Variants in FBXO33 observed in about 807,000 individuals in gnomAD.
The protein encoded by FBXO33 is F-box only protein 33.
In FBXO33, 22 loss-of-function variants were observed where a neutral mutation model predicts 46.3. That is an observed-to-expected ratio of 0.48 (90% CI 0.34 to 0.68). FBXO33 has a LOEUF of 0.68. Ranked by LOEUF, FBXO33 falls within the 30% of genes least tolerant of loss-of-function variation. FBXO33 has a pLI of 0.01. For missense variants in FBXO33, 692 were observed against 708.8 expected (o/e 0.98, Z 0.27); for synonymous variants, 337 against 291.3 (o/e 1.16, Z -1.60).
At chr14:39,406,411 C>A (rs1344677485) in intron 1 of FBXO33, among the ~76,000 whole-genome samples, 1 of 152,160 alleles carries the variant, frequency 6.6e-6, no homozygotes, top group Non-Finnish European at 1.5e-5. Flanking sequence ...AGGACAACGG[C>A]CTTCCCTCTG....
Position 39,399,775 on chromosome 14 carries a change from C to T in FBXO33, c.1409G>A (p.Trp470Ter). The change falls in exon 4 of 4, where the codon TGG becomes TAG. Residue 470 changes from tryptophan to a stop codon, truncating the protein, a stop_gained. Transcript: ENST00000298097. LOFTEE classifies it high-confidence loss of function. ...SLLAIHGYTV[W>*]AHNLIAIARL... ...AGCAATGGCAATGAGGTTGTGTGCC[C>T]ACACCGTGTAACCTGAAAAATAAAC... is the stretch of plus-strand genomic sequence containing the variant. 1 of 1,593,564 alleles carries T rather than the reference C, an allele frequency of 6.3e-7. No homozygotes were observed.
In FBXO33 at chr14:39,399,259, G is replaced by A; in HGVS notation, c.*257C>T. On this transcript the variant is annotated 3_prime_UTR_variant, in exon 4 of 4. Transcript: ENST00000298097. Reference sequence around the variant, plus strand: ...AAAATAAAGTTAGCCAGCAACCTCAGACAATCTTCGGCTGTATATCCTTAA... The same window carrying A: ...AAAATAAAGTTAGCCAGCAACCTCAAACAATCTTCGGCTGTATATCCTTAA... 1 of 281,738 alleles carries A rather than the reference G, an allele frequency of 3.5e-6. No individual in the cohort carries two copies. The allele number at this position is 281,738 out of a possible 1,614,324, so 17.5% of individuals were successfully genotyped here. A position where few individuals can be genotyped will look rare whatever the true frequency, so the allele number is the denominator to read the frequency against.
In FBXO33 at chr14:39,431,842, C is replaced by T. The variant is rs200348294; in HGVS notation, c.321G>A (p.Leu107=). The part of the protein sequence containing the change: ...HWRECLFYPA[L]WPQLRICLRV... ...GGAGGCAGATGCGGAGCTGGGGCCA[C>T]AGGGCCGGATAGAAGAGGCACTCAC... Residue 107 remains leucine, a synonymous_variant, in exon 1 of 4, where the codon CTG becomes CTA. Transcript: ENST00000298097. 9.4e-6 allele frequency: 15 copies of T among 1,602,890 alleles called. No individual in the cohort carries two copies. The East Asian group carries it at 3.4e-4, about 36-fold the overall frequency.
intron 1 of FBXO33, among the ~76,000 whole-genome samples, chr14:39,403,804 T>C (rs1480449969): frequency 9.8e-5 from 6 of 61,522 alleles, no homozygotes; most frequent in Non-Finnish European, 1.4e-4. Context: ...ATACCATTTC[T>C]TTTTTTTTTT....
chr14:39,431,730 C>G lies in FBXO33; in HGVS notation c.433G>C (p.Ala145Pro). 3.1e-6 allele frequency: 5 copies of G among 1,613,252 alleles called. No individual in the cohort carries two copies. Among genetic ancestry groups the G allele is most frequent in the Non-Finnish European group, 3.4e-6 (4 of 1,179,984 alleles). The change falls in exon 1 of 4, where the codon GCC (alanine) becomes CCC (proline). Residue 145 changes from alanine (A) to proline (P), a missense_variant. Physicochemically the swap from Ala to Pro is conservative, Grantham distance 27. Coordinates refer to ENST00000298097, the MANE Select transcript of FBXO33 (RefSeq NM_203301.4). ...FVRELRVEFA[A>P]ENYLSGGGPG... ...CCACCGCCGCTCAGATAGTTCTCGGCGGCGAATTCAACACGCAGCTCTCGC... is the reference window on the plus strand; with the variant it reads ...CCACCGCCGCTCAGATAGTTCTCGGGGGCGAATTCAACACGCAGCTCTCGC...
In FBXO33 at chr14:39,432,413, C is replaced by T; in HGVS notation, c.-251G>A. The T allele has an allele frequency of 4.3e-6, 1 of 234,978 alleles. No individual in the cohort carries two copies. Among genetic ancestry groups the T allele is most frequent in the Admixed American group, 5.7e-5 (1 of 17,574 alleles). 14.6% of individuals were successfully genotyped at this position (234,978 alleles called of 1,614,324 possible). A position where few individuals can be genotyped will look rare whatever the true frequency, so the allele number is the denominator to read the frequency against. On this transcript the variant is annotated 5_prime_UTR_variant, in exon 1 of 4. Transcript: ENST00000298097. ...AAAAGGCAGCCCTCCCTGCGCCGGT[C>T]GGCAGAGACAGAGAAGTGGTAGGAG... is the stretch of plus-strand genomic sequence containing the variant.
rs536503602 is a variant in FBXO33 at position 39,418,224 on chromosome 14, C to T, written c.599+13340G>A. ...GACTACAGGTGCCTGCCACCACACC[C>T]GGCTAATTTTTTGTGTTTTTAGTAG... On this transcript the variant is annotated intron_variant, in intron 1 of 3. Transcript: ENST00000298097. Among the ~76,000 whole-genome samples, 35 of 151,400 alleles carry T rather than the reference C, an allele frequency of 2.3e-4. No homozygotes were observed. The East Asian group carries it at 6.4e-3, about 28-fold the overall frequency.
chr14:39,418,847 T>C (rs1467193977), intron 1 of FBXO33, among the ~76,000 whole-genome samples: 1 of 151,626 alleles, frequency 6.6e-6, no homozygotes, highest in Non-Finnish European at 1.5e-5. Flanking sequence ...AAAGATACTC[T>C]CTGGAATAGT....
chr14:39,399,790 GAA>G lies in FBXO33; in HGVS notation c.1397-5_1397-4del. 6.5e-7 allele frequency: 1 copy of G among 1,543,350 alleles called. No homozygotes were observed. Among genetic ancestry groups the G allele is most frequent in the Non-Finnish European group, 8.8e-7 (1 of 1,137,524 alleles). ...GTTGTGTGCCCACACCGTGTAACCT[GAA>G]AAATAAACAAAAGACAACACTGTAA... On this transcript the variant is annotated splice_polypyrimidine_tract_variant and splice_region_variant and intron_variant, in intron 3 of 3. Coordinates refer to ENST00000298097, the MANE Select transcript of FBXO33 (RefSeq NM_203301.4).
At chr14:39,404,774 G>A (rs1168998946) in intron 1 of FBXO33, among the ~76,000 whole-genome samples, 1 of 152,194 alleles carries the variant, frequency 6.6e-6, no homozygotes, top group East Asian at 1.9e-4. Context: ...CAGAGAGTAA[G>A]TGAACATGAA....
intron 1 of FBXO33, among the ~76,000 whole-genome samples, chr14:39,406,922 A>C (rs1039548468): frequency 6.6e-6 from 1 of 152,144 alleles, no homozygotes; most frequent in African/African-American, 2.4e-5. Flanking sequence ...TACTCCATAA[A>C]ACTATTCATC....
At chr14:39,423,750 G>A (rs150148791) in intron 1 of FBXO33, among the ~76,000 whole-genome samples, 2 of 152,100 alleles carry the variant, frequency 1.3e-5, no homozygotes, top group Admixed American at 6.5e-5. Flanking sequence ...GAAAGGGAGT[G>A]GTAACTGGTA....
Position 39,402,420 on chromosome 14 carries a change from C to T in FBXO33, c.691G>A (p.Asp231Asn), listed in dbSNP as rs1415823591. ...SNTYLSKVDP[D>N]GKKIKQIQQL... ...ACTTACTGTTTAATTTTTTTGCCAT[C>T]AGGGTCCACCTTGCTGAGGTATGTA... Residue 231 changes from aspartate (D) to asparagine (N), a missense_variant, in exon 2 of 4, where the codon GAT becomes AAT. Asp to Asn is a conservative substitution (Grantham distance 23). Around this residue, in one of 3 missense-constraint regions of FBXO33, gnomAD observed 412 missense variants for 370.8 expected, o/e 1.11. Transcript: ENST00000298097. The T allele has an allele frequency of 2.5e-6, 4 of 1,570,208 alleles. No homozygotes were observed. Among genetic ancestry groups the T allele is most frequent in the Admixed American group, 3.6e-5 (2 of 55,418 alleles).
chr14:39,411,582 G>A (rs1357088249), intron 1 of FBXO33, among the ~76,000 whole-genome samples: 1 of 151,722 alleles, frequency 6.6e-6, no homozygotes, highest in Non-Finnish European at 1.5e-5. Flanking sequence ...GAGCGCAGTG[G>A]CCAGATCTTG....
chr14:39,424,945 G>A (rs1030645935), intron 1 of FBXO33, among the ~76,000 whole-genome samples: 3 of 152,056 alleles, frequency 2.0e-5, no homozygotes, highest in Admixed American at 2.0e-4. Context: ...CCAGCTACTT[G>A]GGAGGCTGAG....
At chr14:39,418,188 C>T (rs896486356) in intron 1 of FBXO33, among the ~76,000 whole-genome samples, 1 of 151,680 alleles carries the variant, frequency 6.6e-6, no homozygotes, top group Admixed American at 6.6e-5. Context: ...CTCAGCCTCC[C>T]GAGTAGCTGG....
Position 39,402,057 on chromosome 14 carries a change from A to G in FBXO33, c.711-196T>C, listed in dbSNP as rs1320039629. Among the ~76,000 whole-genome samples the G allele has an allele frequency of 2.6e-5, 4 of 152,228 alleles. No homozygotes were observed. The East Asian group carries it at 7.7e-4, about 29-fold the overall frequency. ...ATAATGAATAAGGTATATTAAACAT[A>G]AAGATCTATTAAACACGTAGAAATA... On this transcript the variant is annotated intron_variant, in intron 2 of 3. Coordinates refer to ENST00000298097, the MANE Select transcript of FBXO33 (RefSeq NM_203301.4).
chr14:39,415,101 T>C (rs564098269), intron 1 of FBXO33, among the ~76,000 whole-genome samples: 4 of 152,268 alleles, frequency 2.6e-5, no homozygotes, highest in South Asian at 4.1e-4. Flanking sequence ...ATGATTACAA[T>C]AGTAACATCA....
rs1220682146 is a variant in FBXO33 at position 39,402,389 on chromosome 14, C to T, written c.710+12G>A. The T allele has an allele frequency of 4.9e-6, 7 of 1,436,134 alleles. No homozygotes were observed. Among genetic ancestry groups the T allele is most frequent in the Non-Finnish European group, 5.7e-6 (6 of 1,045,068 alleles). The allele number at this position is 1,436,134 out of a possible 1,614,324, so 89.0% of individuals were successfully genotyped here. On this transcript the variant is annotated intron_variant, in intron 2 of 3. Transcript: ENST00000298097. ...ATAGTACAACCTCCTTTCCATTAACCATATAACTTACTGTTTAATTTTTTT... is the reference window on the plus strand; with the variant it reads ...ATAGTACAACCTCCTTTCCATTAACTATATAACTTACTGTTTAATTTTTTT...
Sources: allele counts gnomAD v4.1 joint callset (sites outside exome capture counted in the v4.1 genomes callset), GRCh38; gene constraint gnomAD v4.1.1; regional missense constraint gnomAD v4.1.1; transcripts MANE v1.5; gene names NCBI Gene and HGNC (gene_info 2026-07-23, HGNC 2026-07-21).